The following SGPP2 variants were observed in gnomAD, a reference collection of about 807,000 sequenced individuals.
SGPP2 encodes sphingosine-1-phosphate phosphatase 2.
Under a neutral mutation model 33.9 loss-of-function variants are expected in SGPP2, and 30 were observed. The observed-to-expected ratio is 0.89, with a 90% CI of 0.66 to 1.20. The LOEUF (loss-of-function observed/expected upper bound fraction) is 1.20, where lower values mean the gene tolerates loss of function less well. SGPP2 is among the 50% of genes most tolerant of loss of function. SGPP2 has a pLI of 0.00. For synonymous variants in SGPP2, 233 were observed against 225.0 expected (o/e 1.04, Z -0.32); for missense variants, 458 against 532.1 (o/e 0.86, Z 1.37).
chr2:222,522,274 G>A (rs1574876061), intron 3 of SGPP2, among the ~76,000 whole-genome samples: 1 of 151,956 alleles, frequency 6.6e-6, no homozygotes, highest in Non-Finnish European at 1.5e-5. Context: ...TTGAATTAGT[G>A]CTCTCATCCT....
At chr2:222,447,882 C>T (rs1386074758) in intron 1 of SGPP2, among the ~76,000 whole-genome samples, 1 of 152,094 alleles carries the variant, frequency 6.6e-6, no homozygotes, top group East Asian at 1.9e-4. Flanking sequence ...CAGAGGGGCA[C>T]ATAACAAATA....
chr2:222,533,954 G>A (rs534415033), intron 4 of SGPP2, among the ~76,000 whole-genome samples: 15 of 152,262 alleles, frequency 9.9e-5, no homozygotes, highest in South Asian at 2.1e-4. Context: ...GAGCCAACCC[G>A]TGCGAGCAGT....
At chr2:222,469,027 C>T (rs78336925) in intron 1 of SGPP2, among the ~76,000 whole-genome samples, 2,485 of 152,218 alleles carry the variant, frequency 0.016, 68 homozygotes, top group African/African-American at 0.057. Flanking sequence ...GAAAAATAAA[C>T]TAATAAATAA....
At position 222,457,020 on chromosome 2, in the gene SGPP2, G is replaced by C. The variant is rs187804463; in HGVS notation, c.220-17548G>C. On this transcript the variant is annotated intron_variant, in intron 1 of 4. Coordinates refer to ENST00000321276, the MANE Select transcript of SGPP2 (RefSeq NM_152386.4). ...ACCCTCCCCAAGTTCCATTTAAGCT[G>C]TTTCTATTATTTAAAAAGAAAAAAG... 9.6e-4 allele frequency among the ~76,000 whole-genome samples: 146 copies of C among 151,738 alleles called. 1 individual carries two copies. Among genetic ancestry groups the C allele is most frequent in the African/African-American group, 3.3e-3 (136 of 41,344 alleles).
chr2:222,476,628 T>C lies in SGPP2; in HGVS notation c.378+1902T>C, dbSNP rs1049740952. Among the ~76,000 whole-genome samples the C allele has an allele frequency of 5.1e-4, 77 of 152,144 alleles. No homozygotes were observed. Among genetic ancestry groups the C allele is most frequent in the African/African-American group, 1.8e-3 (75 of 41,488 alleles). On this transcript the variant is annotated intron_variant, in intron 2 of 4. Coordinates refer to ENST00000321276, the MANE Select transcript of SGPP2 (RefSeq NM_152386.4). The surrounding 1 kb of genome is among the most constrained non-coding windows in gnomAD (Gnocchi z 4.3). ...TCTGTTCTTAACATCTGAAAACCCT[T>C]GGAAAACCTATGGGCTTGAGTTTCT...
chr2:222,524,027 G>A (rs1263195828), intron 3 of SGPP2, among the ~76,000 whole-genome samples: 6 of 152,302 alleles, frequency 3.9e-5, no homozygotes, highest in African/African-American at 1.4e-4. Context: ...GTGACCTCAG[G>A]CAGATCATTT....
At chr2:222,538,973 C>T (rs1459258289) in intron 4 of SGPP2, among the ~76,000 whole-genome samples, 1 of 152,158 alleles carries the variant, frequency 6.6e-6, no homozygotes, top group Admixed American at 6.5e-5. Context: ...TAGCATTCTG[C>T]CCTTGGCCCC....
chr2:222,527,929 T>C lies in SGPP2; in HGVS notation c.648+2896T>C, dbSNP rs192949129. ...GACTTGGAATGAGATCTGGGAGCTC[T>C]TGTGGTAAAGAAACCTATGCCACCC... On this transcript the variant is annotated intron_variant, in intron 4 of 4. Coordinates refer to ENST00000321276, the MANE Select transcript of SGPP2 (RefSeq NM_152386.4). Among the ~76,000 whole-genome samples, 3 of 152,310 alleles carry C rather than the reference T, an allele frequency of 2.0e-5. No homozygotes were observed. In the East Asian group the frequency reaches 5.8e-4, roughly 29 times the overall value.
chr2:222,455,281 G>T (rs1697555540), intron 1 of SGPP2, among the ~76,000 whole-genome samples: 1 of 152,154 alleles, frequency 6.6e-6, no homozygotes, highest in South Asian at 2.1e-4. Flanking sequence ...ATAGAACAGG[G>T]TTATGATGTG....
intron 1 of SGPP2, among the ~76,000 whole-genome samples, chr2:222,468,384 TA>T (rs61207611): frequency 0.024 from 3,350 of 142,314 alleles, 79 homozygotes; most frequent in African/African-American, 0.064. Context: ...TCCTTCCTTG[TA>T]AAAAAAAAAA....
intron 2 of SGPP2, among the ~76,000 whole-genome samples, chr2:222,509,616 C>A (rs1698495622): frequency 6.6e-6 from 1 of 152,134 alleles, no homozygotes; most frequent in South Asian, 2.1e-4. Context: ...ATTAATAGTT[C>A]TAATAGTTTG....
At chr2:222,425,657 C>T (rs940166350) in intron 1 of SGPP2, among the ~76,000 whole-genome samples, 1 of 152,164 alleles carries the variant, frequency 6.6e-6, no homozygotes, top group African/African-American at 2.4e-5. Context: ...ACTGGCAGCA[C>T]CTGCCTTTTC....
chr2:222,437,955 G>T (rs1260018259), intron 1 of SGPP2, among the ~76,000 whole-genome samples: 1 of 152,222 alleles, frequency 6.6e-6, no homozygotes, highest in Non-Finnish European at 1.5e-5. Flanking sequence ...CATTGGATCT[G>T]CTGGGTCATA....
intron 1 of SGPP2, among the ~76,000 whole-genome samples, chr2:222,433,064 A>G (rs1223127127): frequency 1.1e-5 from 1 of 87,734 alleles, no homozygotes; most frequent in East Asian, 3.7e-4. Flanking sequence ...AGAGAAAGAG[A>G]GGAGAGAAGG....
At chr2:222,544,992 T>A (rs575297725) in intron 4 of SGPP2, among the ~76,000 whole-genome samples, 2 of 150,630 alleles carry the variant, frequency 1.3e-5, no homozygotes, top group African/African-American at 2.4e-5. Context: ...CCTATCTAAG[T>A]ATATTTCTCA....
rs562234274 is a variant in SGPP2 at position 222,444,031 on chromosome 2, C to T, written c.219+19210C>T. Among the ~76,000 whole-genome samples, 515 of 152,348 alleles carry T rather than the reference C, an allele frequency of 3.4e-3. 4 individuals are homozygous for T. Among genetic ancestry groups the T allele is most frequent in the African/African-American group, 0.011 (465 of 41,582 alleles). On this transcript the variant is annotated intron_variant, in intron 1 of 4. Transcript: ENST00000321276. The stretch of plus-strand genomic sequence containing the variant: ...TCAAAGGTTATTTTTACTATTGTCT[C>T]TACCATCCCACCATTACCAACACTG...
chr2:222,525,083 G>A (rs778759616), intron 4 of SGPP2, 50 bp downstream of exon 4: 2 of 1,342,580 alleles, frequency 1.5e-6, no homozygotes, highest in Admixed American at 1.9e-5. Flanking sequence ...TGATATTGTG[G>A]TCAGTGTGTC....
rs1261549618 is a variant in SGPP2 at position 222,559,180 on chromosome 2, G to A, written c.*282G>A. 4 of 110,442 alleles carry A rather than the reference G, an allele frequency of 3.6e-5. No individual in the cohort carries two copies. The highest frequency in any genetic ancestry group is 2.0e-4 in the African/African-American group (2 of 10,178). The allele number at this position is 110,442 out of a possible 1,614,324, so 6.8% of individuals were successfully genotyped here. A position where few individuals can be genotyped will look rare whatever the true frequency, so the allele number is the denominator to read the frequency against. On this transcript the variant is annotated 3_prime_UTR_variant, in exon 5 of 5. Transcript: ENST00000321276. ...CACCGCGCCCCCCCCCCCCCCGCCC[G>A]GCCCCTGCTCCTCTCGCTGTTGCAC... is the stretch of plus-strand genomic sequence containing the variant.
chr2:222,536,486 C>T (rs1020117324), intron 4 of SGPP2, among the ~76,000 whole-genome samples: 27 of 152,134 alleles, frequency 1.8e-4, no homozygotes, highest in African/African-American at 5.3e-4. Flanking sequence ...TCGAGACCAG[C>T]CTGACCAACG....
Sources: allele counts gnomAD v4.1 joint callset (sites outside exome capture counted in the v4.1 genomes callset), GRCh38; gene constraint gnomAD v4.1.1; non-coding constraint Gnocchi (gnomAD v3.1); transcripts MANE v1.5; gene names NCBI Gene and HGNC (gene_info 2026-07-23, HGNC 2026-07-21).